EXTL2: variants seen among roughly 807,000 people sequenced by gnomAD.
EXTL2 encodes exostosin like glycosyltransferase 2.
In EXTL2, 23 loss-of-function variants were observed where a neutral mutation model predicts 30.7. The ratio of observed to expected loss-of-function variants is 0.75; its 90% confidence interval spans 0.54 to 1.06. The LOEUF (loss-of-function observed/expected upper bound fraction) is 1.06, where lower values mean the gene tolerates loss of function less well. EXTL2 is among the 50% of genes least tolerant of loss of function. The pLI is 0.00. For synonymous variants in EXTL2, 123 were observed against 133.8 expected (o/e 0.92, Z 0.56); for missense variants, 352 against 396.3 (o/e 0.89, Z 0.95).
At position 100,873,253 on chromosome 1, in the gene EXTL2, T is replaced by A. The variant is rs1648838602; in HGVS notation, c.*689A>T. The A allele has an allele frequency of 6.6e-6, 1 of 152,012 alleles. No homozygotes were observed. The highest frequency in any genetic ancestry group is 6.6e-5 in the Admixed American group (1 of 15,256). 9.4% of individuals were successfully genotyped at this position (152,012 alleles called of 1,614,324 possible). ...TAAGTGGCGTGTAAGAAATACAGGGTATATTGTTTTGTGATCCATGCAGTA... is the reference window on the plus strand; with the variant it reads ...TAAGTGGCGTGTAAGAAATACAGGGAATATTGTTTTGTGATCCATGCAGTA... On this transcript the variant is annotated 3_prime_UTR_variant, in exon 5 of 5. Transcript: ENST00000370114.
intron 2 of EXTL2, among the ~76,000 whole-genome samples, chr1:100,879,032 A>G (rs1048671939): frequency 6.6e-6 from 1 of 152,188 alleles, no homozygotes; most frequent in Non-Finnish European, 1.5e-5. Flanking sequence ...GAACAAATTG[A>G]TAAGTACAGT....
At chr1:100,890,308 G>C (rs1275884414) in intron 1 of EXTL2, among the ~76,000 whole-genome samples, 1 of 152,178 alleles carries the variant, frequency 6.6e-6, no homozygotes, top group Admixed American at 6.5e-5. Context: ...AGTAGGAGTA[G>C]GGTCCTGGGC....
At position 100,873,714 on chromosome 1, in the gene EXTL2, A is replaced by G; in HGVS notation, c.*228T>C. 2.3e-6 allele frequency: 1 copy of G among 428,768 alleles called. No homozygotes were observed. The highest frequency in any genetic ancestry group is 4.1e-6 in the Non-Finnish European group (1 of 243,784). The allele number at this position is 428,768 out of a possible 1,614,324, so 26.6% of individuals were successfully genotyped here. On this transcript the variant is annotated 3_prime_UTR_variant, in exon 5 of 5. Transcript: ENST00000370114. ...CAATAAAATCACTGACCAAGGAGTT[A>G]TATCCCTGGATGAAAACTCTTCATA...
intron 2 of EXTL2, among the ~76,000 whole-genome samples, chr1:100,884,135 A>C (rs1019168047): frequency 2.1e-4 from 32 of 152,324 alleles, no homozygotes; most frequent in African/African-American, 6.5e-4. Flanking sequence ...AACAAAGATT[A>C]TGTTCTCTGA....
At chr1:100,885,456 G>A (rs943102304) in intron 2 of EXTL2, 1 of 152,040 alleles carries the variant, frequency 6.6e-6, no homozygotes, top group East Asian at 1.9e-4. Context: ...CCTCTTACTT[G>A]GTTGAGAAAA....
chr1:100,873,642 C>A lies in EXTL2; in HGVS notation c.*300G>T. The A allele has an allele frequency of 4.6e-6, 1 of 217,656 alleles. No individual in the cohort carries two copies. Among genetic ancestry groups the A allele is most frequent in the South Asian group, 1.3e-4 (1 of 7,522 alleles). 13.5% of individuals were successfully genotyped at this position (217,656 alleles called of 1,614,324 possible). On this transcript the variant is annotated 3_prime_UTR_variant, in exon 5 of 5. Transcript: ENST00000370114. ...AACAGCTTGCTATAGGTCCTTAAGG[C>A]AAATGCCAGGAGTCAAAGAAACTGT...
chr1:100,883,344 A>G (rs1343773005), intron 2 of EXTL2, among the ~76,000 whole-genome samples: 3 of 152,100 alleles, frequency 2.0e-5, no homozygotes, highest in African/African-American at 7.2e-5. Context: ...ACACCTCAGA[A>G]AGAAACCCCA....
At chr1:100,886,163 G>A (rs566691740) in intron 2 of EXTL2, among the ~76,000 whole-genome samples, 26 of 152,286 alleles carry the variant, frequency 1.7e-4, no homozygotes, top group Non-Finnish European at 2.8e-4. Flanking sequence ...GAATGGCTAC[G>A]CATATATATG....
Position 100,873,619 on chromosome 1 carries a change from C to A in EXTL2, c.*323G>T. ...TCTCTTGAGTTTCTGATCCTAGAAA[C>A]AGCTTGCTATAGGTCCTTAAGGCAA... On this transcript the variant is annotated 3_prime_UTR_variant, in exon 5 of 5. Transcript: ENST00000370114. 1 of 189,286 alleles carries A rather than the reference C, an allele frequency of 5.3e-6. No homozygotes were observed. Among genetic ancestry groups the A allele is most frequent in the Non-Finnish European group, 1.1e-5 (1 of 92,220 alleles). The allele number at this position is 189,286 out of a possible 1,614,324, so 11.7% of individuals were successfully genotyped here. A position where few individuals can be genotyped will look rare whatever the true frequency, so the allele number is the denominator to read the frequency against.
At position 100,873,782 on chromosome 1, in the gene EXTL2, G is replaced by T; in HGVS notation, c.*160C>A. On this transcript the variant is annotated 3_prime_UTR_variant, in exon 5 of 5. Transcript: ENST00000370114. The stretch of plus-strand genomic sequence containing the variant: ...AAGACCAACTTCTTGGCTTTCAAAA[G>T]TAATGTGAATTTTATATCCTAGAAG... 1 of 699,984 alleles carries T rather than the reference G, an allele frequency of 1.4e-6. No individual in the cohort carries two copies. The highest frequency in any genetic ancestry group is 2.2e-6 in the Non-Finnish European group (1 of 446,802). The allele number at this position is 699,984 out of a possible 1,614,324, so 43.4% of individuals were successfully genotyped here. A position where few individuals can be genotyped will look rare whatever the true frequency, so the allele number is the denominator to read the frequency against.
At chr1:100,882,682 T>C (rs1649653804) in intron 2 of EXTL2, among the ~76,000 whole-genome samples, 1 of 152,164 alleles carries the variant, frequency 6.6e-6, no homozygotes, top group African/African-American at 2.4e-5. Flanking sequence ...ATCAGCCATC[T>C]GTAGTGGTGC....
intron 2 of EXTL2, among the ~76,000 whole-genome samples, chr1:100,881,902 A>G (rs1649588377): frequency 6.6e-6 from 1 of 152,178 alleles, no homozygotes; most frequent in African/African-American, 2.4e-5. Flanking sequence ...TGGGCTGCAC[A>G]GCAGGAGGTG....
At chr1:100,885,078 G>GC (rs1649856503) in intron 2 of EXTL2, among the ~76,000 whole-genome samples, 1 of 152,212 alleles carries the variant, frequency 6.6e-6, no homozygotes, top group African/African-American at 2.4e-5. Flanking sequence ...CTACATAGAA[G>GC]AGCTGGGTCA....
Position 100,877,750 on chromosome 1 carries a change from C to T in EXTL2, c.159G>A (p.Arg53=). Residue 53 remains arginine, a synonymous_variant, in exon 3 of 5, where the codon AGG becomes AGA. Coordinates refer to ENST00000370114, the MANE Select transcript of EXTL2 (RefSeq NM_001033025.3). The surrounding 1 kb of genome is among the most constrained non-coding windows in gnomAD (Gnocchi z 4.1). ...TGGACTTGCCCTGGGATTTTATTTCCCTACGCAACATGAGCATCTTGTCTT... is the reference window on the plus strand; with the variant it reads ...TGGACTTGCCCTGGGATTTTATTTCTCTACGCAACATGAGCATCTTGTCTT... ...VKEDKMLMLR[R]EIKSQGKSTM... 1 of 1,613,282 alleles carries T rather than the reference C, an allele frequency of 6.2e-7. No homozygotes were observed.
chr1:100,885,790 A>G (rs559799944), intron 2 of EXTL2: 4 of 152,324 alleles, frequency 2.6e-5, no homozygotes, highest in African/African-American at 2.4e-5. Context: ...AATGCCATAC[A>G]GCTTTTCTCA....
Position 100,877,950 on chromosome 1 carries a change from G to A in EXTL2, c.6-47C>T. ...CATACAAATGTTAGCATTCTTACGA[G>A]TCCCTGTGTTTTCATGTTTTTTTCC... On this transcript the variant is annotated intron_variant, in intron 2 of 4. Transcript: ENST00000370114. The surrounding 1 kb of genome is among the most constrained non-coding windows in gnomAD (Gnocchi z 4.1). 7.1e-7 allele frequency: 1 copy of A among 1,405,668 alleles called. No individual in the cohort carries two copies. Among genetic ancestry groups the A allele is most frequent in the Non-Finnish European group, 9.6e-7 (1 of 1,036,272 alleles). The allele number at this position is 1,405,668 out of a possible 1,614,324, so 87.1% of individuals were successfully genotyped here.
At chr1:100,887,661 A>G (rs916414677) in intron 2 of EXTL2, among the ~76,000 whole-genome samples, 2 of 152,204 alleles carry the variant, frequency 1.3e-5, no homozygotes, top group Non-Finnish European at 1.5e-5. Context: ...TGGCAAGTCT[A>G]AATCAAACTC....
intron 2 of EXTL2, among the ~76,000 whole-genome samples, chr1:100,883,406 A>C (rs904410963): frequency 1.3e-5 from 2 of 151,984 alleles, no homozygotes; most frequent in Non-Finnish European, 2.9e-5. Flanking sequence ...CCTGACCTCC[A>C]TCCCAGCTCC....
chr1:100,882,244 T>C (rs1387809120), intron 2 of EXTL2, among the ~76,000 whole-genome samples: 1 of 152,200 alleles, frequency 6.6e-6, no homozygotes, highest in Non-Finnish European at 1.5e-5. Context: ...TCTGGAGATA[T>C]CTCTGATTGT....
Sources: gnomAD v4.1 joint callset for allele counts (sites outside exome capture counted in the v4.1 genomes callset) on GRCh38, gnomAD v4.1.1 for gene constraint, Gnocchi (gnomAD v3.1) non-coding constraint, MANE v1.5 for transcripts, NCBI Gene and HGNC (gene_info 2026-07-23, HGNC 2026-07-21) for gene names.